The following NRDC variants were observed in gnomAD, a reference collection of about 807,000 sequenced individuals.
NRDC encodes the protein nardilysin.
A neutral mutation model predicts 147.1 loss-of-function variants in NRDC; 54 were observed. The ratio of observed to expected loss-of-function variants is 0.37; its 90% confidence interval spans 0.29 to 0.46. NRDC has a LOEUF of 0.46. NRDC is among the 20% of genes least tolerant of loss of function. The pLI, the probability that NRDC is intolerant of heterozygous loss-of-function variation, is 1.00. For missense variants in NRDC, 1,082 were observed against 1,370.6 expected (o/e 0.79, Z 3.33); for synonymous variants, 440 against 482.1 (o/e 0.91, Z 1.14).
chr1:51,863,195 T>C (rs1682639547), intron 1 of NRDC, among the ~76,000 whole-genome samples: 1 of 151,736 alleles, frequency 6.6e-6, no homozygotes, highest in South Asian at 2.1e-4. Context: ...TGAGATCAGG[T>C]GTTCAAGACC....
chr1:51,841,282 C>T (rs1256968519), intron 1 of NRDC, among the ~76,000 whole-genome samples: 1 of 152,110 alleles, frequency 6.6e-6, no homozygotes, highest in Non-Finnish European at 1.5e-5. Flanking sequence ...GTATCTATTA[C>T]AGACCACTCC....
At chr1:51,844,663 G>T (rs1681445949) in intron 1 of NRDC, among the ~76,000 whole-genome samples, 1 of 151,260 alleles carries the variant, frequency 6.6e-6, no homozygotes, top group African/African-American at 2.4e-5. Flanking sequence ...AGAATTGCTT[G>T]AACCCGGGAG....
rs758736615 is a variant in NRDC, at chr1:51,810,264, T to C, written c.1903+17A>G. The C allele has an allele frequency of 6.4e-6, 10 of 1,565,778 alleles. No individual in the cohort carries two copies. The African/African-American group carries it at 9.5e-5, about 15-fold the overall frequency. ...TTAAATATACCTAAATGTAAGACAA[T>C]TGTTAAAATATTTTACCTTCTATAC... is the stretch of plus-strand genomic sequence containing the variant. On this transcript the variant is annotated intron_variant, in intron 16 of 30. Coordinates refer to ENST00000352171, the MANE Select transcript of NRDC (RefSeq NM_001101662.2).
intron 22 of NRDC, among the ~76,000 whole-genome samples, chr1:51,797,113 T>C (rs542111103): frequency 6.5e-4 from 99 of 151,894 alleles, no homozygotes; most frequent in African/African-American, 2.0e-3. Context: ...GGCAGGAGAA[T>C]GGCGTGAACC....
At position 51,847,011 on chromosome 1, in the gene NRDC, C is replaced by A. The variant is rs1363312487; in HGVS notation, c.342-6497G>T. ...GAGTGCTGATTGGTGCATTCACAAA[C>A]CTTGAGATAGACACAGAGTGCCGAT... On this transcript the variant is annotated intron_variant, in intron 1 of 30. Transcript: ENST00000352171. 2.1e-5 allele frequency among the ~76,000 whole-genome samples: 3 copies of A among 144,520 alleles called. No homozygotes were observed. In the East Asian group the frequency reaches 5.9e-4, roughly 29 times the overall value. 94.8% of individuals were successfully genotyped at this position (144,520 alleles called of 152,430 possible). A position where few individuals can be genotyped will look rare whatever the true frequency, so the allele number is the denominator to read the frequency against.
At chr1:51,794,740 T>C (rs1006312256) in intron 23 of NRDC, 83 bp downstream of exon 23, 5 of 1,588,734 alleles carry the variant, frequency 3.1e-6, no homozygotes, top group African/African-American at 1.3e-5. Context: ...ATTGGGTGTT[T>C]AGTAACAATT....
intron 1 of NRDC, among the ~76,000 whole-genome samples, chr1:51,855,817 G>A (rs1337116618): frequency 2.0e-5 from 3 of 152,026 alleles, no homozygotes; most frequent in Non-Finnish European, 4.4e-5. Context: ...AGGTTGCAGT[G>A]AGCCAAGATT....
chr1:51,874,546 C>T (rs1476125487), intron 1 of NRDC, among the ~76,000 whole-genome samples: 1 of 151,712 alleles, frequency 6.6e-6, no homozygotes, highest in Non-Finnish European at 1.5e-5. Context: ...GAGGTCGAGG[C>T]TGCAGTGAGC....
At chr1:51,836,326 T>C in intron 2 of NRDC, 114 bp from the exon 3 acceptor site, 2 of 1,600,738 alleles carry the variant, frequency 1.2e-6, no homozygotes, top group Non-Finnish European at 1.7e-6. Context: ...AGTAACAAAA[T>C]TCTTTCCCTG....
chr1:51,828,077 T>C (rs1189534790), intron 4 of NRDC, among the ~76,000 whole-genome samples: 2 of 152,208 alleles, frequency 1.3e-5, no homozygotes, highest in South Asian at 2.1e-4. Flanking sequence ...ATAACAATCA[T>C]ACAGAAAAGT....
At chr1:51,861,012 T>A (rs2792590) in intron 1 of NRDC, among the ~76,000 whole-genome samples, 1 of 151,224 alleles carries the variant, frequency 6.6e-6, no homozygotes, top group African/African-American at 2.4e-5. Context: ...TACAGTGGCA[T>A]GAGCTTGGCT....
intron 1 of NRDC, among the ~76,000 whole-genome samples, chr1:51,850,169 T>C (rs926293605): frequency 1.3e-5 from 2 of 151,472 alleles, no homozygotes; most frequent in African/African-American, 4.8e-5. Context: ...AGAGCGAGAC[T>C]CTATCTCAAA....
intron 1 of NRDC, among the ~76,000 whole-genome samples, chr1:51,850,187 AAT>A (rs199946666): frequency 2.2e-4 from 33 of 147,800 alleles, no homozygotes; most frequent in African/African-American, 8.7e-4. Context: ...AAAAAAAAAT[AAT>A]AATAAATAAA....
chr1:51,797,226 A>T (rs1678971163), intron 22 of NRDC, among the ~76,000 whole-genome samples: 1 of 152,024 alleles, frequency 6.6e-6, no homozygotes, highest in Non-Finnish European at 1.5e-5. Flanking sequence ...ACAGTTCAAT[A>T]ATGTTAACTA....
chr1:51,828,328 TCTC>T (rs1443929636), intron 4 of NRDC, among the ~76,000 whole-genome samples: 1 of 152,226 alleles, frequency 6.6e-6, no homozygotes, highest in African/African-American at 2.4e-5. Context: ...TCGGAAATGT[TCTC>T]CTATTCATTC....
chr1:51,860,447 C>T (rs1157881897), intron 1 of NRDC, among the ~76,000 whole-genome samples: 1 of 152,202 alleles, frequency 6.6e-6, no homozygotes, highest in African/African-American at 2.4e-5. Flanking sequence ...CCTCTGTGTT[C>T]ATTGCTGCTG....
intron 23 of NRDC, 33 bp from the exon 24 acceptor site, chr1:51,794,643 C>T: frequency 6.2e-7 from 1 of 1,609,316 alleles, no homozygotes. Flanking sequence ...CACTGAGGCA[C>T]CCAAAAACTA....
In NRDC at chr1:51,794,579, T is replaced by G; in HGVS notation, c.2668A>C (p.Met890Leu). Residue 890 changes from methionine to leucine, a missense_variant, in exon 24 of 31, where the codon ATG becomes CTG. Met to Leu is a conservative substitution (Grantham distance 15). Around this residue, in one of 3 missense-constraint regions of NRDC, gnomAD observed 635 missense variants for 923.8 expected, o/e 0.69. Transcript: ENST00000352171. ...TCTACCACCTGGAACTGCACAGGCA[T>G]CTCCTGCTCCAGAGGCTTGAAGTTT... Reference protein sequence around the residue: ...KLNFKPLEQEMPVQFQVVELP... With the variant: ...KLNFKPLEQELPVQFQVVELP... The G allele has an allele frequency of 6.2e-7, 1 of 1,614,172 alleles. No individual in the cohort carries two copies. Among genetic ancestry groups the G allele is most frequent in the Non-Finnish European group, 8.5e-7 (1 of 1,180,020 alleles).
rs889915637 is a variant in NRDC at position 51,798,429 on chromosome 1, A to G, written c.2442-18T>C. On this transcript the variant is annotated intron_variant, in intron 21 of 30. Transcript: ENST00000352171. Reference sequence around the variant, plus strand: ...GTACATCTCTGTACAGAGGGCAGAAAAAAAACACTCAAAGTTTTGTTATTA... The same window carrying G: ...GTACATCTCTGTACAGAGGGCAGAAGAAAAACACTCAAAGTTTTGTTATTA... 6.4e-7 allele frequency: 1 copy of G among 1,569,100 alleles called. No individual in the cohort carries two copies. Among genetic ancestry groups the G allele is most frequent in the Non-Finnish European group, 8.7e-7 (1 of 1,152,686 alleles).
Sources: allele counts gnomAD v4.1 joint callset (sites outside exome capture counted in the v4.1 genomes callset), GRCh38; gene constraint gnomAD v4.1.1; regional missense constraint gnomAD v4.1.1; transcripts MANE v1.5; gene names NCBI Gene and HGNC (gene_info 2026-07-23, HGNC 2026-07-21).